The following ARHGAP31 variants were observed in gnomAD, a reference collection of about 807,000 sequenced individuals.
ARHGAP31 encodes the protein Rho GTPase activating protein 31.
Under a neutral mutation model 113.9 loss-of-function variants are expected in ARHGAP31, and 34 were observed. The ratio of observed to expected loss-of-function variants is 0.30; its 90% CI spans 0.23 to 0.40. The LOEUF (loss-of-function observed/expected upper bound fraction) is 0.40. Among genes scored for constraint, ARHGAP31 ranks in the 10% least tolerant of loss-of-function variants. The pLI is 1.00. For missense variants in ARHGAP31, 1,548 were observed against 1,767.1 expected (o/e 0.88, Z 2.22); for synonymous variants, 650 against 684.8 (o/e 0.95, Z 0.79).
chr3:119,361,393 T>TTTTTA (rs2080205115), intron 1 of ARHGAP31, among the ~76,000 whole-genome samples: 1 of 150,768 alleles, frequency 6.6e-6, no homozygotes, highest in Non-Finnish European at 1.5e-5. Flanking sequence ...TTTTTTTTTT[T>TTTTTA]AAGACAGAGT....
chr3:119,330,088 T>G, intron 1 of ARHGAP31: 1 of 861,884 alleles, frequency 1.2e-6, no homozygotes, highest in Non-Finnish European at 1.4e-6. Flanking sequence ...TTTGAACTGA[T>G]CTAATCACCC....
chr3:119,378,681 C>T (rs1291947773), intron 3 of ARHGAP31, among the ~76,000 whole-genome samples: 2 of 152,176 alleles, frequency 1.3e-5, no homozygotes, highest in African/African-American at 4.8e-5. Flanking sequence ...GCCCTTCCCT[C>T]CCCCGGGGCT....
chr3:119,381,075 T>G, intron 4 of ARHGAP31, 89 bp downstream of exon 4: 1 of 1,306,986 alleles, frequency 7.7e-7, no homozygotes, highest in Non-Finnish European at 1.1e-6. Context: ...GGAAACAATG[T>G]GTGGACAGTA....
At chr3:119,377,528 C>T (rs2080359413) in intron 3 of ARHGAP31, among the ~76,000 whole-genome samples, 1 of 152,124 alleles carries the variant, frequency 6.6e-6, no homozygotes, top group Non-Finnish European at 1.5e-5. Flanking sequence ...GCTTAGGGGA[C>T]ATGTGGAGGC....
chr3:119,307,940 CAAAAAA>C lies in ARHGAP31; in HGVS notation c.100+12951_100+12956del, dbSNP rs71156742. On this transcript the variant is annotated intron_variant, in intron 1 of 11. Transcript: ENST00000264245. ...AGTGAATCCAAGTATGAATTAACAGCAAAAAAAAAAAAAAAAAAAAGCTCAATCTTA... is the reference window on the plus strand; with the variant it reads ...AGTGAATCCAAGTATGAATTAACAGCAAAAAAAAAAAAAAGCTCAATCTTA... Among the ~76,000 whole-genome samples, 12 of 45,462 alleles carry C rather than the reference CAAAAAA, an allele frequency of 2.6e-4. No individual in the cohort carries two copies. The South Asian group carries it at 0.014, about 52-fold the overall frequency. 29.8% of individuals were successfully genotyped at this position (45,462 alleles called of 152,430 possible). A position where few individuals can be genotyped will look rare whatever the true frequency, so the allele number is the denominator to read the frequency against.
At chr3:119,325,915 G>A (rs1284905356) in intron 1 of ARHGAP31, among the ~76,000 whole-genome samples, 4 of 152,210 alleles carry the variant, frequency 2.6e-5, no homozygotes, top group Non-Finnish European at 4.4e-5. Context: ...CCAGGGCTGG[G>A]CACGGTGGCT....
In ARHGAP31 at chr3:119,369,534, C is replaced by T. The variant is rs545915623; in HGVS notation, c.348+1018C>T. On this transcript the variant is annotated intron_variant, in intron 3 of 11. Transcript: ENST00000264245. ...GTGGGAGGGAACCTTTCTCATGGCTCCTGTAATAAATTTGTTTTGAGTATA... is the reference window on the plus strand; with the variant it reads ...GTGGGAGGGAACCTTTCTCATGGCTTCTGTAATAAATTTGTTTTGAGTATA... 3.3e-5 allele frequency among the ~76,000 whole-genome samples: 5 copies of T among 152,122 alleles called. No homozygotes were observed. The South Asian group carries it at 1.0e-3, about 32-fold the overall frequency.
rs553046387 is a variant in ARHGAP31, at chr3:119,325,848, C to T, written c.100+30844C>T. Among the ~76,000 whole-genome samples the T allele has an allele frequency of 2.7e-3, 411 of 152,326 alleles. 5 individuals are homozygous for T. Among genetic ancestry groups the T allele is most frequent in the African/African-American group, 9.6e-3 (401 of 41,576 alleles). ...TTTTGATGCCTAGCTGTCACCCATACTGATTAAATCAGAATCTCTGAAGGT... is the reference window on the plus strand; with the variant it reads ...TTTTGATGCCTAGCTGTCACCCATATTGATTAAATCAGAATCTCTGAAGGT... On this transcript the variant is annotated intron_variant, in intron 1 of 11. Coordinates refer to ENST00000264245, the MANE Select transcript of ARHGAP31 (RefSeq NM_020754.4).
chr3:119,368,728 G>C (rs1026909745), intron 3 of ARHGAP31, among the ~76,000 whole-genome samples: 18 of 152,296 alleles, frequency 1.2e-4, no homozygotes, highest in African/African-American at 4.3e-4. Flanking sequence ...CATGTTGTTT[G>C]TTTTAAGAGC....
intron 1 of ARHGAP31, among the ~76,000 whole-genome samples, chr3:119,297,795 G>A (rs900127275): frequency 6.6e-6 from 1 of 152,162 alleles, no homozygotes; most frequent in Non-Finnish European, 1.5e-5. Context: ...AACCTGACAA[G>A]GCTGGGTGTG....
chr3:119,314,113 C>G (rs1401359063), intron 1 of ARHGAP31, among the ~76,000 whole-genome samples: 3 of 152,182 alleles, frequency 2.0e-5, no homozygotes, highest in Non-Finnish European at 4.4e-5. Context: ...TGGCCACACT[C>G]TACTTCTCGC....
intron 1 of ARHGAP31, among the ~76,000 whole-genome samples, chr3:119,295,688 T>G (rs563110312): frequency 8.0e-4 from 121 of 151,324 alleles, no homozygotes; most frequent in African/African-American, 2.9e-3. Flanking sequence ...TCAGAGGGCC[T>G]CCATTTTTAA....
intron 8 of ARHGAP31, among the ~76,000 whole-genome samples, chr3:119,394,193 T>C (rs1359243648): frequency 6.6e-6 from 1 of 152,232 alleles, no homozygotes; most frequent in Non-Finnish European, 1.5e-5. Flanking sequence ...GATGTCAATA[T>C]CTTATTGCGT....
rs72962536 is a variant in ARHGAP31, at chr3:119,324,093, G to A, written c.100+29089G>A. Reference sequence around the variant, plus strand: ...TGCCATCCCTGCTCTACACCGAAGGGGTGAAGTCCTGGGACTCTGTTATGC... The same window carrying A: ...TGCCATCCCTGCTCTACACCGAAGGAGTGAAGTCCTGGGACTCTGTTATGC... On this transcript the variant is annotated intron_variant, in intron 1 of 11. Transcript: ENST00000264245. Among the ~76,000 whole-genome samples the A allele has an allele frequency of 4.1e-3, 618 of 151,432 alleles. 3 individuals are homozygous for A. Among genetic ancestry groups the A allele is most frequent in the African/African-American group, 0.014 (597 of 41,286 alleles).
intron 1 of ARHGAP31, among the ~76,000 whole-genome samples, chr3:119,301,900 G>T (rs2079587678): frequency 6.6e-6 from 1 of 152,148 alleles, no homozygotes; most frequent in Non-Finnish European, 1.5e-5. Context: ...GACCACACTT[G>T]CTCTGAGCCG....
intron 4 of ARHGAP31, among the ~76,000 whole-genome samples, chr3:119,381,850 G>A (rs1156782265): frequency 3.3e-5 from 5 of 152,300 alleles, no homozygotes; most frequent in Admixed American, 2.0e-4. Flanking sequence ...GCCGGGCGTG[G>A]TGGCGGGCGC....
rs572391345 is a variant in ARHGAP31 at position 119,402,020 on chromosome 3, C to T, written c.1268C>T (p.Ala423Val). Reference sequence around the variant, plus strand: ...AGTGATCGCAGCCATCTCCAGGGCGCTCAGGCCCGGCCCCCACCGGAACAG... The same window carrying T: ...AGTGATCGCAGCCATCTCCAGGGCGTTCAGGCCCGGCCCCCACCGGAACAG... ...VSSDRSHLQG[A>V]QARPPPEQLK... Residue 423 changes from alanine (A) to valine (V), a missense_variant, in exon 10 of 12, where the codon GCT (alanine) becomes GTT (valine). Transcript: ENST00000264245. The T allele has an allele frequency of 3.1e-6, 5 of 1,614,102 alleles. No homozygotes were observed. In the South Asian group the frequency reaches 5.5e-5, roughly 18 times the overall value.
intron 8 of ARHGAP31, 29 bp downstream of exon 8, chr3:119,393,620 T>A (rs527876550): frequency 1.9e-6 from 3 of 1,612,792 alleles, no homozygotes; most frequent in Non-Finnish European, 1.7e-6. Context: ...TGTTTTATGA[T>A]ACAAATATTT....
chr3:119,380,202 A>G (rs9837853), intron 3 of ARHGAP31, among the ~76,000 whole-genome samples: 115,325 of 152,004 alleles, frequency 0.76, 44,205 homozygotes, highest in African/African-American at 0.85. Flanking sequence ...TGCCAAGGAA[A>G]GCACATCTTC....
Sources: gnomAD v4.1 joint callset for allele counts (sites outside exome capture counted in the v4.1 genomes callset) on GRCh38, gnomAD v4.1.1 for gene constraint, MANE v1.5 for transcripts, NCBI Gene and HGNC (gene_info 2026-07-23, HGNC 2026-07-21) for gene names.